Variants in CNTN1 observed in about 807,000 individuals in gnomAD.
The protein encoded by CNTN1 is contactin-1.
CNTN1 carries 38 observed loss-of-function variants against 126.4 expected under a neutral mutation model. The ratio of observed to expected loss-of-function variants is 0.30; its 90% CI spans 0.23 to 0.39. CNTN1 has a LOEUF of 0.39. Ranked by LOEUF, CNTN1 falls within the 10% of genes least tolerant of loss-of-function variation. CNTN1 has a pLI of 1.00. For missense variants in CNTN1, 1,009 were observed against 1,248.4 expected, an observed-to-expected ratio of 0.81 and a Z score of 2.89; for synonymous variants, 413 against 422.6, an observed-to-expected ratio of 0.98 and a Z score of 0.28.
intron 3 of CNTN1, among the ~76,000 whole-genome samples, chr12:40,916,235 A>G (rs1249849035): frequency 6.6e-6 from 1 of 152,122 alleles, no homozygotes; most frequent in East Asian, 1.9e-4. Context: ...ATCTAGATAT[A>G]TTGATTTCTC....
chr12:40,900,212 T>C (rs1944558018), intron 1 of CNTN1, among the ~76,000 whole-genome samples: 1 of 152,194 alleles, frequency 6.6e-6, no homozygotes, highest in Non-Finnish European at 1.5e-5. Flanking sequence ...TAATTGCTCA[T>C]TTATTTTTGA....
rs1038330758 is a variant in CNTN1, at chr12:40,922,597, T to C, written c.400+169T>C. On this transcript the variant is annotated intron_variant, in intron 5 of 23. Coordinates refer to ENST00000551295, the MANE Select transcript of CNTN1 (RefSeq NM_001843.4). Reference sequence around the variant, plus strand: ...GACAACAAAGCACCACAAGGCATACTATGAATGCACTTGAAACAGTGAAAG... The same window carrying C: ...GACAACAAAGCACCACAAGGCATACCATGAATGCACTTGAAACAGTGAAAG... Among the ~76,000 whole-genome samples, 5 of 152,178 alleles carry C rather than the reference T, an allele frequency of 3.3e-5. 1 individual carries two copies. In the South Asian group the frequency reaches 1.0e-3, roughly 32 times the overall value.
chr12:40,978,234 TAA>T (rs1947732802), intron 15 of CNTN1, among the ~76,000 whole-genome samples: 2 of 152,156 alleles, frequency 1.3e-5, no homozygotes, highest in African/African-American at 2.4e-5. Flanking sequence ...ATCTTAATTC[TAA>T]AATCCCTGTT....
At chr12:40,967,359 A>G (rs2137033260) in intron 15 of CNTN1, among the ~76,000 whole-genome samples, 1 of 152,150 alleles carries the variant, frequency 6.6e-6, no homozygotes, top group Admixed American at 6.5e-5. Flanking sequence ...ACATGCCTGT[A>G]GTCCCCCCTG....
intron 17 of CNTN1, among the ~76,000 whole-genome samples, chr12:41,006,057 C>T (rs561967659): frequency 1.3e-5 from 2 of 152,168 alleles, no homozygotes; most frequent in Non-Finnish European, 2.9e-5. Context: ...GGCTTATCTA[C>T]CTTTAAGCTT....
intron 6 of CNTN1, among the ~76,000 whole-genome samples, chr12:40,928,023 T>G (rs963680612): frequency 6.6e-6 from 1 of 152,092 alleles, no homozygotes; most frequent in Non-Finnish European, 1.5e-5. Context: ...AATTCAGGTC[T>G]CTGTATTCAC....
chr12:40,702,181 C>T (rs1448896830), intron 1 of CNTN1, among the ~76,000 whole-genome samples: 2 of 152,028 alleles, frequency 1.3e-5, no homozygotes, highest in East Asian at 1.9e-4. Context: ...AACGATCCTC[C>T]CTGCTCAGCC....
At chr12:40,958,486 C>T (rs1946980827) in intron 14 of CNTN1, among the ~76,000 whole-genome samples, 1 of 151,846 alleles carries the variant, frequency 6.6e-6, no homozygotes, top group Non-Finnish European at 1.5e-5. Flanking sequence ...GGTGTCTCAT[C>T]ATCACAAGCA....
chr12:40,780,300 A>G (rs1445821317), intron 1 of CNTN1, among the ~76,000 whole-genome samples: 3 of 151,920 alleles, frequency 2.0e-5, no homozygotes, highest in African/African-American at 7.2e-5. Flanking sequence ...CTTGTCACAT[A>G]CATATCCCAA....
At chr12:40,932,526 A>G (rs190554901) in intron 7 of CNTN1, among the ~76,000 whole-genome samples, 9 of 152,094 alleles carry the variant, frequency 5.9e-5, no homozygotes, top group Admixed American at 3.3e-4. Context: ...AATTCATCTC[A>G]AAATATTATT....
At chr12:40,778,816 G>C (rs151145558) in intron 1 of CNTN1, among the ~76,000 whole-genome samples, 3,325 of 151,828 alleles carry the variant, frequency 0.022, 42 homozygotes, top group Non-Finnish European at 0.035. Flanking sequence ...AAATATAATA[G>C]TGGGGAAAAG....
intron 1 of CNTN1, among the ~76,000 whole-genome samples, chr12:40,855,930 C>T (rs1592164014): frequency 1.3e-5 from 2 of 152,210 alleles, no homozygotes; most frequent in Admixed American, 6.6e-5. Context: ...TAGTTGCTAG[C>T]CATTCACTTT....
chr12:40,910,959 C>T lies in CNTN1; in HGVS notation c.94+854C>T, dbSNP rs557471923. Among the ~76,000 whole-genome samples, 22 of 152,280 alleles carry T rather than the reference C, an allele frequency of 1.4e-4. 1 individual carries two copies. In the South Asian group the frequency reaches 4.4e-3, roughly 30 times the overall value. On this transcript the variant is annotated intron_variant, in intron 3 of 23. Transcript: ENST00000551295. ...GTTACCCATTGTATTAGTCTGTTTT[C>T]ACGCTGTTGATAAAGACATATCCCA...
At chr12:40,940,812 C>A (rs777029753) in intron 12 of CNTN1, among the ~76,000 whole-genome samples, 9 of 152,066 alleles carry the variant, frequency 5.9e-5, no homozygotes, top group Non-Finnish European at 1.0e-4. Context: ...AATGATACTA[C>A]AAGAAGGGTT....
intron 14 of CNTN1, among the ~76,000 whole-genome samples, chr12:40,947,969 T>A (rs1472816649): frequency 6.6e-6 from 1 of 151,958 alleles, no homozygotes; most frequent in Non-Finnish European, 1.5e-5. Context: ...AGGCTTCATT[T>A]TCTCACCTCT....
chr12:40,776,556 T>G (rs1309506713), intron 1 of CNTN1, among the ~76,000 whole-genome samples: 2 of 151,656 alleles, frequency 1.3e-5, no homozygotes, highest in African/African-American at 4.8e-5. Context: ...ATTCCCAACT[T>G]TAAAAATGCC....
intron 1 of CNTN1, among the ~76,000 whole-genome samples, chr12:40,835,799 TACACACACACACACACACAC>T (rs10556497): frequency 1.1e-4 from 16 of 142,530 alleles, no homozygotes; most frequent in Non-Finnish European, 2.4e-4. Context: ...ATGCTATTTA[TACACACACACACACACACAC>T]ACACACACAC....
At chr12:40,697,874 G>C (rs1227580107) in intron 1 of CNTN1, among the ~76,000 whole-genome samples, 1 of 152,176 alleles carries the variant, frequency 6.6e-6, no homozygotes, top group African/African-American at 2.4e-5. Flanking sequence ...ATGCACTATG[G>C]AAGATATTAA....
chr12:40,863,202 G>T (rs561344007), intron 1 of CNTN1, among the ~76,000 whole-genome samples: 8 of 152,226 alleles, frequency 5.3e-5, no homozygotes, highest in African/African-American at 1.9e-4. Flanking sequence ...ATGCTGGACT[G>T]TTAGAGGTTC....
Sources: gnomAD v4.1 joint callset for allele counts (sites outside exome capture counted in the v4.1 genomes callset) on GRCh38, gnomAD v4.1.1 for gene constraint, MANE v1.5 for transcripts, NCBI Gene and HGNC (gene_info 2026-07-23, HGNC 2026-07-21) for gene names.